The following OCA2 variants were observed in gnomAD, a reference collection of about 807,000 sequenced individuals.
OCA2 encodes OCA2 melanosomal transmembrane protein.
OCA2 carries 77 observed loss-of-function variants against 100.2 expected under a neutral mutation model. The ratio of observed to expected loss-of-function variants is 0.77; its 90% CI spans 0.64 to 0.93. OCA2 has a LOEUF of 0.93. Ranked by LOEUF, OCA2 falls within the 40% of genes least tolerant of loss-of-function variation. The pLI, the probability that OCA2 is intolerant of heterozygous loss-of-function variation, is 0.00. For synonymous variants in OCA2, 432 were observed against 439.2 expected, an observed-to-expected ratio of 0.98 and a Z score of 0.21; for missense variants, 1,062 against 1,089.1, an observed-to-expected ratio of 0.98 and a Z score of 0.35.
chr15:27,849,619 T>A (rs16950455), intron 22 of OCA2, among the ~76,000 whole-genome samples: 17,114 of 151,708 alleles, frequency 0.11, 2,298 homozygotes, highest in African/African-American at 0.32. Flanking sequence ...TAAAACCAAA[T>A]GAAAACTTCT....
chr15:27,815,340 G>A (rs1172779602), intron 23 of OCA2, among the ~76,000 whole-genome samples: 2 of 152,196 alleles, frequency 1.3e-5, no homozygotes, highest in South Asian at 4.1e-4. Flanking sequence ...CGGTGCATCT[G>A]CAGCAGGGCT....
chr15:27,731,628 T>G, the OCA2 span, among the ~76,000 whole-genome samples: 1 of 152,252 alleles, frequency 6.6e-6, no homozygotes, highest in Non-Finnish European at 1.5e-5. Context: ...CATTATACTT[T>G]CATTCTTCAC....
intron 9 of OCA2, among the ~76,000 whole-genome samples, chr15:28,007,955 T>C (rs1024249402): frequency 6.6e-6 from 1 of 152,196 alleles, no homozygotes; most frequent in Non-Finnish European, 1.5e-5. Context: ...GGGTGGAAAG[T>C]GCCCCCCACG....
At chr15:28,032,355 C>T (rs1186156147) in intron 2 of OCA2, among the ~76,000 whole-genome samples, 192 bp from the exon 3 acceptor site, 1 of 152,154 alleles carries the variant, frequency 6.6e-6, no homozygotes, top group East Asian at 1.9e-4. Flanking sequence ...CCTCTTCTCC[C>T]CAACTCAATT....
chr15:27,837,839 G>T (rs1340217418), intron 23 of OCA2, among the ~76,000 whole-genome samples: 1 of 145,016 alleles, frequency 6.9e-6, no homozygotes, highest in African/African-American at 2.6e-5. Context: ...GCAGAATCCT[G>T]TAAGACAAAA....
At chr15:27,937,005 G>A (rs1219060874) in intron 18 of OCA2, among the ~76,000 whole-genome samples, 1 of 152,082 alleles carries the variant, frequency 6.6e-6, no homozygotes, top group Non-Finnish European at 1.5e-5. Context: ...GGACGCTGCT[G>A]ACTTTCCCCT....
At chr15:27,722,810 CTCTT>C in the OCA2 span, among the ~76,000 whole-genome samples, 239 of 140,446 alleles carry the variant, frequency 1.7e-3, 1 homozygote, top group African/African-American at 5.9e-3. Flanking sequence ...CTTTCTCTCT[CTCTT>C]TCTCTCTCTC....
At chr15:27,830,995 TA>T in intron 23 of OCA2, among the ~76,000 whole-genome samples, 1 of 152,054 alleles carries the variant, frequency 6.6e-6, no homozygotes, top group South Asian at 2.1e-4. Context: ...AGTATAGATA[TA>T]AAAATGCAAT....
chr15:27,724,837 A>G, the OCA2 span, among the ~76,000 whole-genome samples: 1 of 149,692 alleles, frequency 6.7e-6, no homozygotes, highest in African/African-American at 2.5e-5. Flanking sequence ...ACCCCAATTT[A>G]CATATGAGAA....
At position 27,876,337 on chromosome 15, in the gene OCA2, A is replaced by G. The variant is rs531699301; in HGVS notation, c.2080-4415T>C. 3.4e-4 allele frequency among the ~76,000 whole-genome samples: 52 copies of G among 152,156 alleles called. 1 individual carries two copies. The South Asian group carries it at 0.01, about 30-fold the overall frequency. ...TTTTTTGGTTATGCTGTACTATTTT[A>G]TATACCATAGCATTTGATTTGATAT... On this transcript the variant is annotated intron_variant, in intron 19 of 23. Coordinates refer to ENST00000354638, the MANE Select transcript of OCA2 (RefSeq NM_000275.3).
In OCA2 at chr15:27,851,293, T is replaced by G; in HGVS notation, c.2338+89A>C. 4 of 1,092,206 alleles carry G rather than the reference T, an allele frequency of 3.7e-6. No homozygotes were observed. The South Asian group carries it at 4.0e-5, about 11-fold the overall frequency. 67.7% of individuals were successfully genotyped at this position (1,092,206 alleles called of 1,614,324 possible). A position where few individuals can be genotyped will look rare whatever the true frequency, so the allele number is the denominator to read the frequency against. On this transcript the variant is annotated intron_variant, in intron 22 of 23. Coordinates refer to ENST00000354638, the MANE Select transcript of OCA2 (RefSeq NM_000275.3). ...ATCATCCAGACTCTCCTTCATTTGC[T>G]TTTAATCTGATACACACTAACTGTT...
At chr15:27,825,724 C>G (rs1464844364) in intron 23 of OCA2, among the ~76,000 whole-genome samples, 1 of 152,192 alleles carries the variant, frequency 6.6e-6, no homozygotes, top group Non-Finnish European at 1.5e-5. Context: ...TCAGTTTGCT[C>G]CCATTTCTTC....
At chr15:27,907,363 AGG>A (rs1314744759) in intron 19 of OCA2, among the ~76,000 whole-genome samples, 10 of 152,236 alleles carry the variant, frequency 6.6e-5, no homozygotes, top group African/African-American at 2.4e-4. Flanking sequence ...TCAAAATTTA[AGG>A]GATGCATTTA....
chr15:28,048,236 T>G (rs2043401718), intron 2 of OCA2, among the ~76,000 whole-genome samples: 1 of 152,158 alleles, frequency 6.6e-6, no homozygotes, highest in Non-Finnish European at 1.5e-5. Flanking sequence ...TCCAAAGAAA[T>G]GTAAAAGCTG....
intron 18 of OCA2, among the ~76,000 whole-genome samples, chr15:27,935,686 C>A (rs2039426208): frequency 6.6e-6 from 1 of 152,230 alleles, no homozygotes; most frequent in Non-Finnish European, 1.5e-5. Context: ...TATGCTCAGG[C>A]TTCTGATGGA....
chr15:27,982,262 T>C (rs1184185621), intron 14 of OCA2, among the ~76,000 whole-genome samples: 3 of 152,256 alleles, frequency 2.0e-5, no homozygotes, highest in South Asian at 2.1e-4. Context: ...TGTATGTGCA[T>C]GTGCATGTCT....
At chr15:28,014,952 T>G in intron 8 of OCA2, 23 bp from the exon 9 acceptor site, 1 of 1,613,558 alleles carries the variant, frequency 6.2e-7, no homozygotes, top group Non-Finnish European at 8.5e-7. Context: ...ACAACGACCT[T>G]ACTGTTCACA....
chr15:27,728,141 AG>A, the OCA2 span, among the ~76,000 whole-genome samples: 1 of 152,218 alleles, frequency 6.6e-6, no homozygotes, highest in Non-Finnish European at 1.5e-5. Context: ...AAATCAGGCA[AG>A]GGTAGGACTC....
chr15:27,847,600 G>A (rs1485100000), intron 22 of OCA2, among the ~76,000 whole-genome samples: 3 of 152,220 alleles, frequency 2.0e-5, no homozygotes, highest in African/African-American at 7.2e-5. Flanking sequence ...AGAGGCCCCG[G>A]AGAGAGGCCT....
Sources: gnomAD v4.1 joint callset for allele counts (sites outside exome capture counted in the v4.1 genomes callset) on GRCh38, gnomAD v4.1.1 for gene constraint, MANE v1.5 for transcripts, NCBI Gene and HGNC (gene_info 2026-07-23, HGNC 2026-07-21) for gene names.